Variants in SYNRG observed in about 807,000 individuals in gnomAD.
SYNRG encodes synergin gamma, also known as AP1 gamma subunit binding protein 1.
A neutral mutation model predicts 130.9 loss-of-function variants in SYNRG; 37 were observed. The ratio of observed to expected loss-of-function variants is 0.28; its 90% CI spans 0.22 to 0.37. The LOEUF is 0.37. Ranked by LOEUF, SYNRG falls within the 10% of genes least tolerant of loss-of-function variation. The probability of loss-of-function intolerance (pLI) is 1.00; values close to 1 mark genes in which losing one functional copy is unlikely to be tolerated. For missense variants in SYNRG, 1,338 were observed against 1,588.9 expected (o/e 0.84, Z 2.68); for synonymous variants, 539 against 568.1 (o/e 0.95, Z 0.73).
rs28611224 is a variant in SYNRG, at chr17:37,586,666, T to C, written c.241-117A>G. 404 of 1,196,578 alleles carry C rather than the reference T, an allele frequency of 3.4e-4. 1 individual carries two copies. In the African/African-American group the frequency reaches 5.9e-3, roughly 17 times the overall value. The allele number at this position is 1,196,578 out of a possible 1,614,324, so 74.1% of individuals were successfully genotyped here. Reference sequence around the variant, plus strand: ...CTCTTATTTGTAAAAAATAGAAATATATTGGATTAAAAGATGCAAAGATGC... The same window carrying C: ...CTCTTATTTGTAAAAAATAGAAATACATTGGATTAAAAGATGCAAAGATGC... On this transcript the variant is annotated intron_variant, in intron 3 of 21. Transcript: ENST00000612223.
chr17:37,568,698 A>T (rs2060185378), intron 11 of SYNRG, 93 bp downstream of exon 11: 1 of 1,401,340 alleles, frequency 7.1e-7, no homozygotes, highest in Non-Finnish European at 9.7e-7. Context: ...AAGGAGTCTT[A>T]ATTTTTAAAT....
chr17:37,520,080 T>TG, intron 21 of SYNRG, 99 bp downstream of exon 21: 2 of 1,323,126 alleles, frequency 1.5e-6, no homozygotes, highest in South Asian at 2.4e-5. Context: ...GATTCATGAT[T>TG]GGAACAGTTC....
chr17:37,552,023 G>A (rs1334367288), intron 14 of SYNRG, among the ~76,000 whole-genome samples: 1 of 152,168 alleles, frequency 6.6e-6, no homozygotes, highest in Non-Finnish European at 1.5e-5. Flanking sequence ...AGCCTGTTTA[G>A]CAATACCTAC....
At position 37,596,361 on chromosome 17, in the gene SYNRG, A is replaced by G. The variant is rs953900087; in HGVS notation, c.119-17T>C. ...TCAGGCCTGCTGAAAATATAAAGAC[A>G]TTATTAAAGTCAATGTGTTTTAAAG... On this transcript the variant is annotated splice_polypyrimidine_tract_variant and intron_variant, in intron 2 of 21. Coordinates refer to ENST00000612223, the MANE Select transcript of SYNRG (RefSeq NM_007247.6). 2 of 1,612,620 alleles carry G rather than the reference A, an allele frequency of 1.2e-6. No homozygotes were observed. Among genetic ancestry groups the G allele is most frequent in the African/African-American group, 1.3e-5 (1 of 74,850 alleles).
At chr17:37,526,391 T>C (rs898851934) in intron 19 of SYNRG, among the ~76,000 whole-genome samples, 3 of 152,232 alleles carry the variant, frequency 2.0e-5, no homozygotes, top group African/African-American at 7.2e-5. Flanking sequence ...CTAGTCTAAT[T>C]TGACTGATAC....
At chr17:37,551,226 T>G (rs1228545715) in intron 14 of SYNRG, among the ~76,000 whole-genome samples, 1 of 152,200 alleles carries the variant, frequency 6.6e-6, no homozygotes, top group African/African-American at 2.4e-5. Flanking sequence ...AAAATAAAAC[T>G]ACATTACTTT....
At chr17:37,545,150 C>T (rs907274811) in intron 14 of SYNRG, among the ~76,000 whole-genome samples, 7 of 151,586 alleles carry the variant, frequency 4.6e-5, no homozygotes, top group African/African-American at 1.7e-4. Flanking sequence ...ACCCAGCAAG[C>T]AGAGGTTGCA....
At chr17:37,577,693 TTC>T in intron 6 of SYNRG, 80 bp from the exon 7 acceptor site, 45 of 991,674 alleles carry the variant, frequency 4.5e-5, no homozygotes, top group Non-Finnish European at 5.5e-5. Flanking sequence ...CACCCCCATA[TTC>T]TTTTTTTTTT....
chr17:37,521,863 G>A (rs1471937950), intron 19 of SYNRG, among the ~76,000 whole-genome samples: 3 of 152,094 alleles, frequency 2.0e-5, no homozygotes, highest in Non-Finnish European at 2.9e-5. Flanking sequence ...CAGCTGAGAG[G>A]ATTCACCATA....
In SYNRG at chr17:37,570,708, G is replaced by A; in HGVS notation, c.1276C>T (p.Leu426Phe). The change falls in exon 10 of 22, where the codon CTT (leucine) becomes TTT (phenylalanine). Residue 426 changes from leucine (L) to phenylalanine (F), a missense_variant. Physicochemically the swap from Leu to Phe is conservative, Grantham distance 22. Coordinates refer to ENST00000612223, the MANE Select transcript of SYNRG (RefSeq NM_007247.6). ...SLGQPVMGIN[L>F]VGPVGGAAAQ... is the part of the protein sequence containing the mutation. ...GCAGCTCCACCCACTGGTCCAACAAGGTTAATGCCCATGACTGGCTGTCCA... is the reference window on the plus strand; with the variant it reads ...GCAGCTCCACCCACTGGTCCAACAAAGTTAATGCCCATGACTGGCTGTCCA... 14 of 1,614,232 alleles carry A rather than the reference G, an allele frequency of 8.7e-6. No homozygotes were observed. The highest frequency in any genetic ancestry group is 1.2e-5 in the Non-Finnish European group (14 of 1,180,046).
At chr17:37,560,049 C>CA (rs895285520) in intron 13 of SYNRG, among the ~76,000 whole-genome samples, 1 of 152,082 alleles carries the variant, frequency 6.6e-6, no homozygotes, top group African/African-American at 2.4e-5. Flanking sequence ...AGGTGTGCAC[C>CA]ACCATATCTG....
intron 11 of SYNRG, among the ~76,000 whole-genome samples, chr17:37,562,011 T>C (rs1189056328): frequency 6.6e-6 from 1 of 152,074 alleles, no homozygotes; most frequent in African/African-American, 2.4e-5. Flanking sequence ...AAATAAATCA[T>C]GTTAACCTTA....
In SYNRG at chr17:37,570,881, C is replaced by A. The variant is rs1401797899; in HGVS notation, c.1103G>T (p.Gly368Val). Residue 368 changes from glycine to valine, a missense_variant, in exon 10 of 22, where the codon GGC (glycine) becomes GTC (valine). Gly to Val is a moderately radical substitution (Grantham distance 109). Coordinates refer to ENST00000612223, the MANE Select transcript of SYNRG (RefSeq NM_007247.6). Reference protein sequence around the residue: ...VLAMIAVTQRGVPAMSPDALN... With the variant: ...VLAMIAVTQRVVPAMSPDALN... ...AGCATCAGGACTCATTGCAGGAACG[C>A]CCCTCTACAAATGATAGAAAGAAAA... 3 of 1,612,304 alleles carry A rather than the reference C, an allele frequency of 1.9e-6. No individual in the cohort carries two copies. The South Asian group carries it at 3.3e-5, about 18-fold the overall frequency.
intron 15 of SYNRG, 81 bp from the exon 16 acceptor site, chr17:37,540,624 CCTCTT>C: frequency 7.7e-7 from 1 of 1,297,902 alleles, no homozygotes; most frequent in African/African-American, 1.5e-5. Context: ...CTACCACAAC[CCTCTT>C]CTTTTTTTTT....
intron 8 of SYNRG, among the ~76,000 whole-genome samples, chr17:37,572,765 G>C (rs1411740295): frequency 6.6e-6 from 1 of 152,176 alleles, no homozygotes; most frequent in Non-Finnish European, 1.5e-5. Context: ...TTTCTGTTAA[G>C]GTGAGGAAGC....
chr17:37,542,428 C>G lies in SYNRG; in HGVS notation c.2746G>C (p.Gly916Arg). The change falls in exon 15 of 22, where the codon GGA becomes CGA. Residue 916 changes from glycine to arginine, a missense_variant. Gly to Arg is a moderately radical substitution (Grantham distance 125, BLOSUM62 -2). Around this residue, in one of 3 missense-constraint regions of SYNRG, gnomAD observed 1,146 missense variants for 1,342.3 expected, o/e 0.85. Coordinates refer to ENST00000612223, the MANE Select transcript of SYNRG (RefSeq NM_007247.6). ...GAGGTGGCTGAGGGGGATCCACTTC[C>G]TGCTGAGAGGACAAATGGAGAGAGT... ...RKLSPFVLSAGSGSPSATSIL... is the reference protein window; with the variant it reads ...RKLSPFVLSARSGSPSATSIL... 1.2e-6 allele frequency: 2 copies of G among 1,614,168 alleles called. No homozygotes were observed. Among genetic ancestry groups the G allele is most frequent in the Admixed American group, 3.3e-5 (2 of 60,024 alleles).
At chr17:37,537,928 CAAA>C (rs2015685646) in intron 18 of SYNRG, among the ~76,000 whole-genome samples, 1 of 152,198 alleles carries the variant, frequency 6.6e-6, no homozygotes, top group South Asian at 2.1e-4. Flanking sequence ...ACTGACACAT[CAAA>C]TTGCTGCAGA....
chr17:37,523,219 G>A lies in SYNRG; in HGVS notation c.3667-2571C>T, dbSNP rs920408079. Among the ~76,000 whole-genome samples, 13 of 152,036 alleles carry A rather than the reference G, an allele frequency of 8.6e-5. 1 individual carries two copies. Among genetic ancestry groups the A allele is most frequent in the Admixed American group, 2.6e-4 (4 of 15,274 alleles). On this transcript the variant is annotated intron_variant, in intron 19 of 21. Coordinates refer to ENST00000612223, the MANE Select transcript of SYNRG (RefSeq NM_007247.6). ...GTCACCCAGGGTGGAGTGCAGGGGCGTGTGTGATCATGGCTCACTGCAGCC... is the reference window on the plus strand; with the variant it reads ...GTCACCCAGGGTGGAGTGCAGGGGCATGTGTGATCATGGCTCACTGCAGCC...
chr17:37,560,223 T>C (rs2059422041), intron 13 of SYNRG, among the ~76,000 whole-genome samples: 2 of 151,986 alleles, frequency 1.3e-5, no homozygotes. Flanking sequence ...CCCTAAATTT[T>C]AGAAAATAAA....
Sources: gnomAD v4.1 joint callset for allele counts (sites outside exome capture counted in the v4.1 genomes callset) on GRCh38, gnomAD v4.1.1 for gene constraint, gnomAD v4.1.1 regional missense constraint, MANE v1.5 for transcripts, NCBI Gene and HGNC (gene_info 2026-07-23, HGNC 2026-07-21) for gene names.